Variants in TNIK observed in about 807,000 individuals in gnomAD.
TNIK encodes the protein TRAF2 and NCK interacting kinase, also known as TRAF2 and NCK-interacting protein kinase.
A neutral mutation model predicts 191.3 loss-of-function variants in TNIK; 49 were observed. The ratio of observed to expected loss-of-function variants is 0.26; its 90% CI spans 0.20 to 0.32. The LOEUF (loss-of-function observed/expected upper bound fraction) is 0.32. TNIK is among the 10% of genes least tolerant of loss of function. TNIK has a pLI of 1.00. For missense variants in TNIK, 1,155 were observed against 1,702.3 expected, an observed-to-expected ratio of 0.68 and a Z score of 5.66; for synonymous variants, 594 against 600.9, an observed-to-expected ratio of 0.99 and a Z score of 0.17.
At chr3:171,266,189 T>C (rs1748380402) in intron 2 of TNIK, among the ~76,000 whole-genome samples, 1 of 152,120 alleles carries the variant, frequency 6.6e-6, no homozygotes, top group Non-Finnish European at 1.5e-5. Flanking sequence ...TCTTCCACAG[T>C]TGAGATCATT....
At chr3:171,067,932 G>A (rs768769596) in intron 30 of TNIK, among the ~76,000 whole-genome samples, 2 of 152,096 alleles carry the variant, frequency 1.3e-5, no homozygotes, top group Admixed American at 6.5e-5. Flanking sequence ...AATGGCAGTC[G>A]TGTGTGTGTA....
intron 1 of TNIK, among the ~76,000 whole-genome samples, chr3:171,378,029 G>A (rs2108511832): frequency 6.6e-6 from 1 of 152,330 alleles, no homozygotes; most frequent in South Asian, 2.1e-4. Flanking sequence ...AGAATGGGCA[G>A]TGACCTCAGG....
rs9850081 is a variant in TNIK, at chr3:171,171,147, G to A, written c.774-3877C>T. 2.2e-3 allele frequency among the ~76,000 whole-genome samples: 329 copies of A among 152,300 alleles called. 2 individuals are homozygous for A. Among genetic ancestry groups the A allele is most frequent in the African/African-American group, 7.7e-3 (321 of 41,550 alleles). On this transcript the variant is annotated intron_variant, in intron 9 of 32. Transcript: ENST00000436636. ...TATGGGTTAAATAGCTTAGCAGGAG[G>A]AGTCAACTGGGCTGTTATCTCCAAG...
At chr3:171,445,411 C>T (rs545640578) in intron 1 of TNIK, among the ~76,000 whole-genome samples, 2 of 149,826 alleles carry the variant, frequency 1.3e-5, no homozygotes, top group African/African-American at 5.0e-5. Context: ...AGAGTGAGAC[C>T]CTGTCTCCAA....
chr3:171,121,317 G>T (rs2108551786), intron 18 of TNIK, among the ~76,000 whole-genome samples: 1 of 152,310 alleles, frequency 6.6e-6, no homozygotes, highest in South Asian at 2.1e-4. Context: ...CTGTGTCACA[G>T]TAATGGCCCC....
intron 22 of TNIK, among the ~76,000 whole-genome samples, chr3:171,099,639 C>G (rs1056506047): frequency 2.6e-5 from 4 of 152,060 alleles, no homozygotes; most frequent in African/African-American, 9.7e-5. Context: ...CATGAAGATG[C>G]AGGAATACAC....
chr3:171,199,813 T>C (rs1223851287), intron 4 of TNIK, among the ~76,000 whole-genome samples: 2 of 152,356 alleles, frequency 1.3e-5, no homozygotes, highest in East Asian at 3.9e-4. Context: ...GATATAATGC[T>C]GCTAGCAGCC....
chr3:171,397,356 G>A (rs1334022795), intron 1 of TNIK, among the ~76,000 whole-genome samples: 1 of 152,150 alleles, frequency 6.6e-6, no homozygotes. Flanking sequence ...AGCTATGTTG[G>A]GGGGTTAAAA....
intron 4 of TNIK, among the ~76,000 whole-genome samples, chr3:171,194,841 A>G (rs999043063): frequency 6.6e-6 from 1 of 152,236 alleles, no homozygotes; most frequent in Non-Finnish European, 1.5e-5. Context: ...AAATTTTTCA[A>G]CCTGTAAGTT....
At chr3:171,226,300 C>G (rs1006254393) in intron 3 of TNIK, among the ~76,000 whole-genome samples, 1 of 152,120 alleles carries the variant, frequency 6.6e-6, no homozygotes, top group Non-Finnish European at 1.5e-5. Context: ...CTCATTTGTA[C>G]CCTTCTGCTC....
At chr3:171,289,099 A>T (rs1217870208) in intron 2 of TNIK, among the ~76,000 whole-genome samples, 2 of 152,166 alleles carry the variant, frequency 1.3e-5, no homozygotes, top group African/African-American at 4.8e-5. Context: ...AAGAGGCATA[A>T]GGGAAGCTTC....
At chr3:171,299,604 C>T (rs1752681909) in intron 2 of TNIK, among the ~76,000 whole-genome samples, 1 of 152,116 alleles carries the variant, frequency 6.6e-6, no homozygotes, top group Non-Finnish European at 1.5e-5. Context: ...TTTCTTTTGC[C>T]TGAAAGAACA....
At chr3:171,179,994 A>T (rs1401162395) in intron 7 of TNIK, among the ~76,000 whole-genome samples, 2 of 152,196 alleles carry the variant, frequency 1.3e-5, no homozygotes, top group Non-Finnish European at 2.9e-5. Context: ...GCGTGAAATA[A>T]GACACAAGTA....
intron 2 of TNIK, among the ~76,000 whole-genome samples, chr3:171,272,729 C>T (rs1262055828): frequency 2.0e-5 from 3 of 151,940 alleles, no homozygotes; most frequent in Admixed American, 6.6e-5. Flanking sequence ...GGTTACTTAT[C>T]GTTTTTCTCA....
At chr3:171,397,376 A>G (rs6778892) in intron 1 of TNIK, among the ~76,000 whole-genome samples, 69,523 of 151,976 alleles carry the variant, frequency 0.46, 16,474 homozygotes, top group Non-Finnish European at 0.5. Context: ...AAGTTGGCCA[A>G]CACAGTAACG....
chr3:171,188,686 G>A lies in TNIK; in HGVS notation c.639+16C>T, dbSNP rs771013328. 9.3e-6 allele frequency: 15 copies of A among 1,612,164 alleles called. No individual in the cohort carries two copies. The highest frequency in any genetic ancestry group is 4.4e-5 in the South Asian group (4 of 90,964). ...GATGGTAGGCATAGTTTTGAAACAC[G>A]ACAAAGAAGCCATACCTTGAAATCA... On this transcript the variant is annotated intron_variant, in intron 7 of 32. Coordinates refer to ENST00000436636, the MANE Select transcript of TNIK (RefSeq NM_015028.4).
intron 2 of TNIK, among the ~76,000 whole-genome samples, chr3:171,237,184 G>A (rs1407152809): frequency 2.0e-5 from 3 of 152,044 alleles, no homozygotes; most frequent in Non-Finnish European, 4.4e-5. Flanking sequence ...AACACAAATC[G>A]GGACCCATTT....
chr3:171,071,904 A>G (rs1719232146), intron 28 of TNIK, among the ~76,000 whole-genome samples: 2 of 152,170 alleles, frequency 1.3e-5, no homozygotes, highest in Non-Finnish European at 2.9e-5. Context: ...CTTTAGAAAG[A>G]TGGAATATTA....
rs370112241 is a variant in TNIK at position 171,138,279 on chromosome 3, C to T, written c.1520G>A (p.Arg507Gln). The change falls in exon 15 of 33, where the codon CGG (arginine) becomes CAG (glutamine). Residue 507 changes from arginine to glutamine, a missense_variant. By Grantham distance (43) the Arg-to-Gln change is conservative. Coordinates refer to ENST00000436636, the MANE Select transcript of TNIK (RefSeq NM_015028.4). ...RDYLVSLQHQ[R>Q]QEQRPVEKKP... is the part of the protein sequence containing the mutation. ...CTTCTCCACAGGCCTCTGCTCCTGC[C>T]GCTGATGCTGAAGGGAAACTAAGTA... 33 of 1,613,478 alleles carry T rather than the reference C, an allele frequency of 2.0e-5. No homozygotes were observed. Among genetic ancestry groups the T allele is most frequent in the African/African-American group, 1.1e-4 (8 of 74,876 alleles).
Sources: allele counts gnomAD v4.1 joint callset (sites outside exome capture counted in the v4.1 genomes callset), GRCh38; gene constraint gnomAD v4.1.1; transcripts MANE v1.5; gene names NCBI Gene and HGNC (gene_info 2026-07-23, HGNC 2026-07-21).